CAPN8: variants seen among roughly 807,000 people sequenced by gnomAD.
The protein encoded by CAPN8 is calpain 8, also known as calpain-8.
In CAPN8, 87 loss-of-function variants were observed where a neutral mutation model predicts 80.9. That is an observed-to-expected ratio of 1.07 (90% CI 0.90 to 1.28). The LOEUF (loss-of-function observed/expected upper bound fraction) is 1.28. Ranked by LOEUF, CAPN8 falls within the 50% of genes most tolerant of loss-of-function variation. CAPN8 has a pLI of 0.00. For missense variants in CAPN8, 757 were observed against 702.0 expected (o/e 1.08, Z -0.89); for synonymous variants, 299 against 273.8 (o/e 1.09, Z -0.91).
At chr1:223,649,493 G>GT (rs1658286147) in intron 2 of CAPN8, among the ~76,000 whole-genome samples, 1 of 152,148 alleles carries the variant, frequency 6.6e-6, no homozygotes, top group South Asian at 2.1e-4. Flanking sequence ...CCACTGTTAA[G>GT]GATCAGTCAG....
Position 223,549,298 on chromosome 1 carries a change from A to T in CAPN8, c.1764+20T>A. On this transcript the variant is annotated intron_variant, in intron 16 of 20. Coordinates refer to ENST00000366872, the MANE Select transcript of CAPN8 (RefSeq NM_001143962.2). ...GGACGAAAGTAAAAAAAAAAAAATA[A>T]TGCAACATTTAAAGGATACATCCAA... is the stretch of plus-strand genomic sequence containing the variant. The T allele has an allele frequency of 6.5e-7, 1 of 1,544,406 alleles. No individual in the cohort carries two copies. The highest frequency in any genetic ancestry group is 8.7e-7 in the Non-Finnish European group (1 of 1,144,606).
intron 14 of CAPN8, among the ~76,000 whole-genome samples, chr1:223,552,611 G>A (rs1424496967): frequency 4.0e-5 from 6 of 151,242 alleles, no homozygotes; most frequent in Admixed American, 1.3e-4. Flanking sequence ...AAGCCTCTGG[G>A]GCTAGAAGAC....
intron 5 of CAPN8, 135 bp downstream of exon 5, chr1:223,626,854 C>T: frequency 1.2e-6 from 1 of 859,358 alleles, no homozygotes; most frequent in Non-Finnish European, 1.8e-6. Flanking sequence ...TGTCACTAGA[C>T]TTGCCCACTA....
rs143783868 is a variant in CAPN8 at position 223,642,453 on chromosome 1, C to T, written c.307+11877G>A. On this transcript the variant is annotated intron_variant, in intron 2 of 20. Transcript: ENST00000366872. ...CTCCACTCCTGGTTCCCATGACGAC[C>T]CAGAAGGGGCCTCTCAGACCTGATA... Among the ~76,000 whole-genome samples, 912 of 152,302 alleles carry T rather than the reference C, an allele frequency of 6.0e-3. 5 individuals carry two copies. The highest frequency in any genetic ancestry group is 0.021 in the African/African-American group (867 of 41,558).
rs1658763294 is a variant in CAPN8, at chr1:223,665,520, CT to C, written c.126del (p.Val44SerfsTer59). 3 of 1,551,656 alleles carry C rather than the reference CT, an allele frequency of 1.9e-6. No homozygotes were observed. In the African/African-American group the frequency reaches 4.1e-5, roughly 21 times the overall value. ...FKTLRQQCLD[S>X]GVLFKDPEFP... is the part of the protein sequence containing the mutation. Reference sequence around the variant, plus strand: ...AACTCAGGGTCCTTAAATAGGACCCCTGAGTCCAAGCACTGTTGCCTCAGGG... The same window carrying C: ...AACTCAGGGTCCTTAAATAGGACCCCGAGTCCAAGCACTGTTGCCTCAGGG... On this transcript the variant is annotated frameshift_variant, in exon 1 of 21. Transcript: ENST00000366872. LOFTEE classifies it high-confidence loss of function.
chr1:223,656,333 G>A (rs1006278271), intron 1 of CAPN8, among the ~76,000 whole-genome samples: 1 of 152,004 alleles, frequency 6.6e-6, no homozygotes, highest in Non-Finnish European at 1.5e-5. Context: ...GCCCGGCATG[G>A]TGGTGCGCCC....
rs576118187 is a variant in CAPN8, at chr1:223,620,357, C to T, written c.900-91G>A. ...TGCAGCTAAGCTTCCCCCTAAGAGC[C>T]AGAAACAAAATACCAAAAGCACTGC... On this transcript the variant is annotated intron_variant, in intron 7 of 20. Coordinates refer to ENST00000366872, the MANE Select transcript of CAPN8 (RefSeq NM_001143962.2). 16 of 1,152,888 alleles carry T rather than the reference C, an allele frequency of 1.4e-5. No individual in the cohort carries two copies. The East Asian group carries it at 4.1e-4, about 30-fold the overall frequency. The allele number at this position is 1,152,888 out of a possible 1,614,324, so 71.4% of individuals were successfully genotyped here. A position where few individuals can be genotyped will look rare whatever the true frequency, so the allele number is the denominator to read the frequency against.
intron 2 of CAPN8, among the ~76,000 whole-genome samples, chr1:223,629,197 AGTGTGTGTGTGT>A (rs113967295): frequency 3.1e-5 from 3 of 95,240 alleles, no homozygotes; most frequent in African/African-American, 7.3e-5. Flanking sequence ...TACGTGTAAG[AGTGTGTGTGTGT>A]GTGTGTGTGT....
chr1:223,657,157 C>A (rs1027838205), intron 1 of CAPN8, among the ~76,000 whole-genome samples: 2 of 151,944 alleles, frequency 1.3e-5, no homozygotes, highest in Non-Finnish European at 2.9e-5. Context: ...TTTATTCATT[C>A]GCTTTCAGTC....
rs746377638 is a variant in CAPN8 at position 223,544,101 on chromosome 1, G to A, written c.1995C>T (p.Phe665=). ...TCTCCAGGCGGATCATACAAGCCAC[G>A]AAGCTGTCAAAGTTGATGCCAAGCT... is the stretch of plus-strand genomic sequence containing the variant. The part of the protein sequence containing the change: ...CSKLGINFDS[F]VACMIRLETL... The change falls in exon 19 of 21, where the codon TTC becomes TTT. Residue 665 remains phenylalanine (F), a synonymous_variant. Transcript: ENST00000366872. 9.7e-6 allele frequency: 7 copies of A among 718,230 alleles called. No homozygotes were observed. Among genetic ancestry groups the A allele is most frequent in the East Asian group, 2.7e-5 (1 of 37,302 alleles). 44.5% of individuals were successfully genotyped at this position (718,230 alleles called of 1,614,324 possible). A position where few individuals can be genotyped will look rare whatever the true frequency, so the allele number is the denominator to read the frequency against.
intron 19 of CAPN8, 139 bp from the exon 20 acceptor site, chr1:223,543,305 C>T: frequency 9.8e-7 from 1 of 1,023,728 alleles, no homozygotes. Flanking sequence ...CCAGCCCCCA[C>T]CTAGGCCCAG....
At chr1:223,615,725 A>G in intron 10 of CAPN8, 1 of 624,950 alleles carries the variant, frequency 1.6e-6, no homozygotes, top group Non-Finnish European at 3.0e-6. Context: ...GCCCTCAATG[A>G]CAGGCAAAGG....
At position 223,544,811 on chromosome 1, in the gene CAPN8, T is replaced by G; in HGVS notation, c.1873A>C (p.Ile625Leu). 6.4e-7 allele frequency: 1 copy of G among 1,551,720 alleles called. No homozygotes were observed. The highest frequency in any genetic ancestry group is 8.7e-7 in the Non-Finnish European group (1 of 1,147,000). Reference sequence around the variant, plus strand: ...GCTGTCCTCATCTCGTGGGCATCGATGGTGCCCGAGTGGTTATAATCAGTT... The same window carrying G: ...GCTGTCCTCATCTCGTGGGCATCGAGGGTGCCCGAGTGGTTATAATCAGTT... ...WETDYNHSGT[I>L]DAHEMRTALR... Residue 625 changes from isoleucine (I) to leucine (L), a missense_variant, in exon 18 of 21, where the codon ATC (isoleucine) becomes CTC (leucine). Coordinates refer to ENST00000366872, the MANE Select transcript of CAPN8 (RefSeq NM_001143962.2).
chr1:223,656,687 T>G (rs868142378), intron 1 of CAPN8, among the ~76,000 whole-genome samples: 1,370 of 121,020 alleles, frequency 0.011, 56 homozygotes, highest in African/African-American at 0.05. Flanking sequence ...TTTTGTTTTT[T>G]TTTTTTTTTT....
intron 5 of CAPN8, 36 bp downstream of exon 5, chr1:223,626,953 G>T: frequency 6.5e-7 from 1 of 1,541,702 alleles, no homozygotes; most frequent in Non-Finnish European, 8.8e-7. Flanking sequence ...GTGGCGGTGG[G>T]GGGAGGTGGG....
chr1:223,658,987 C>T (rs1658567006), intron 1 of CAPN8, among the ~76,000 whole-genome samples: 1 of 152,172 alleles, frequency 6.6e-6, no homozygotes, highest in Non-Finnish European at 1.5e-5. Context: ...AAGAGGCAGC[C>T]TGCCACCTAC....
At chr1:223,617,978 A>C (rs1323597115) in intron 9 of CAPN8, 2 of 398,716 alleles carry the variant, frequency 5.0e-6, no homozygotes, top group Non-Finnish European at 4.5e-6. Flanking sequence ...GAAAGAAGAG[A>C]GAACTTGTCA....
chr1:223,550,776 C>A (rs1656763734), intron 15 of CAPN8, among the ~76,000 whole-genome samples, 184 bp downstream of exon 15: 1 of 152,144 alleles, frequency 6.6e-6, no homozygotes, highest in African/African-American at 2.4e-5. Flanking sequence ...ACCCTCGCCT[C>A]CCCGTCTTCT....
chr1:223,610,284 T>C (rs939313995), intron 11 of CAPN8, among the ~76,000 whole-genome samples: 5 of 152,174 alleles, frequency 3.3e-5, no homozygotes, highest in Non-Finnish European at 7.4e-5. Flanking sequence ...ATTACAGATC[T>C]GCTAAGCAAA....
Sources: gnomAD v4.1 joint callset for allele counts (sites outside exome capture counted in the v4.1 genomes callset) on GRCh38, gnomAD v4.1.1 for gene constraint, MANE v1.5 for transcripts, NCBI Gene and HGNC (gene_info 2026-07-23, HGNC 2026-07-21) for gene names.